Variants in PLXNA4 observed in about 807,000 individuals in gnomAD.
The protein encoded by PLXNA4 is plexin-A4.
In PLXNA4, 44 loss-of-function variants were observed where a neutral mutation model predicts 191.8. The ratio of observed to expected loss-of-function variants is 0.23; its 90% CI spans 0.18 to 0.29. PLXNA4 has a LOEUF of 0.29. Ranked by LOEUF, PLXNA4 falls within the 10% of genes least tolerant of loss-of-function variation. The pLI is 1.00. For missense variants in PLXNA4, 1,800 were observed against 2,488.8 expected, an observed-to-expected ratio of 0.72 and a Z score of 5.89; for synonymous variants, 1,082 against 1,009.5, an observed-to-expected ratio of 1.07 and a Z score of -1.36.
chr7:132,132,929 G>T, intron 31 of PLXNA4, 120 bp downstream of exon 31: 1 of 1,423,232 alleles, frequency 7.0e-7, no homozygotes, highest in Non-Finnish European at 9.3e-7. Flanking sequence ...CCTCAGTGGT[G>T]GTTCCCCCAG....
chr7:132,140,901 C>A, intron 29 of PLXNA4, 90 bp from the exon 30 acceptor site: 1 of 1,544,558 alleles, frequency 6.5e-7, no homozygotes, highest in Non-Finnish European at 8.7e-7. Flanking sequence ...AGGAGAGAAG[C>A]CTGGGGAACT....
At chr7:132,520,006 T>G (rs935071769) in intron 1 of PLXNA4, among the ~76,000 whole-genome samples, 1 of 152,090 alleles carries the variant, frequency 6.6e-6, no homozygotes, top group East Asian at 1.9e-4. Flanking sequence ...ATCATTGAGG[T>G]TGGGAAGTTT....
At chr7:132,224,501 C>G (rs937017821) in intron 8 of PLXNA4, among the ~76,000 whole-genome samples, 1 of 152,200 alleles carries the variant, frequency 6.6e-6, no homozygotes, top group Non-Finnish European at 1.5e-5. Flanking sequence ...TGTAGGCCAT[C>G]AACTCCTGGA....
intron 2 of PLXNA4, among the ~76,000 whole-genome samples, chr7:132,605,664 G>A (rs573972485): frequency 4.1e-4 from 55 of 134,122 alleles, no homozygotes; most frequent in African/African-American, 1.6e-3. Context: ...ACAAAAAAAT[G>A]TTAAGTCCTC....
At chr7:132,444,214 A>G (rs1235243010) in intron 3 of PLXNA4, among the ~76,000 whole-genome samples, 1 of 152,242 alleles carries the variant, frequency 6.6e-6, no homozygotes, top group Non-Finnish European at 1.5e-5. Context: ...CATCATTTTA[A>G]TGATGCCCTT....
intron 2 of PLXNA4, among the ~76,000 whole-genome samples, chr7:132,594,919 ATAGATAGATAG>A (rs1802670074): frequency 2.8e-5 from 1 of 36,354 alleles, no homozygotes. Flanking sequence ...AGGTAGATAG[ATAGATAGATAG>A]ATAGATAGAT....
intron 3 of PLXNA4, among the ~76,000 whole-genome samples, chr7:132,399,651 T>C (rs1052448573): frequency 2.2e-4 from 34 of 152,210 alleles, no homozygotes; most frequent in African/African-American, 8.2e-4. Context: ...GTCACACATC[T>C]GTGCTTTGGA....
At chr7:132,579,732 G>T (rs570278830), upstream of PLXNA4, among the ~76,000 whole-genome samples, 25 of 152,070 alleles carry the variant, frequency 1.6e-4, no homozygotes, top group Non-Finnish European at 1.3e-4. Flanking sequence ...GAGCTCTCCC[G>T]TTGTTAATGG....
At chr7:132,169,459 G>T (rs1301912455) in intron 21 of PLXNA4, among the ~76,000 whole-genome samples, 3 of 152,194 alleles carry the variant, frequency 2.0e-5, no homozygotes, top group Non-Finnish European at 4.4e-5. Context: ...AGCAACAAGA[G>T]AACAGGTGGA....
intron 3 of PLXNA4, among the ~76,000 whole-genome samples, chr7:132,315,397 A>T (rs1402071613): frequency 6.6e-6 from 1 of 152,236 alleles, no homozygotes; most frequent in African/African-American, 2.4e-5. Flanking sequence ...TGACTTTCTA[A>T]ATTTAATTCA....
chr7:132,557,947 G>T (rs543225094), intron 1 of PLXNA4, among the ~76,000 whole-genome samples: 3 of 152,166 alleles, frequency 2.0e-5, no homozygotes, highest in Admixed American at 6.5e-5. Flanking sequence ...GAGAGAGAGA[G>T]AGACAATCAA....
chr7:132,470,404 G>C (rs904700948), intron 3 of PLXNA4, among the ~76,000 whole-genome samples: 10 of 152,174 alleles, frequency 6.6e-5, no homozygotes, highest in Admixed American at 1.3e-4. Context: ...CCTCTCAGTA[G>C]ACCTATCTGG....
intron 30 of PLXNA4, among the ~76,000 whole-genome samples, chr7:132,135,974 G>A (rs757715008): frequency 2.0e-5 from 3 of 152,154 alleles, no homozygotes; most frequent in Non-Finnish European, 4.4e-5. Context: ...AATGGCCACC[G>A]ACAGCCCAGT....
chr7:132,566,881 C>T (rs981117597), intron 1 of PLXNA4, among the ~76,000 whole-genome samples: 2 of 152,170 alleles, frequency 1.3e-5, no homozygotes, highest in African/African-American at 4.8e-5. Flanking sequence ...GCAGGCGGTG[C>T]CTCTGAAAGT....
intron 4 of PLXNA4, among the ~76,000 whole-genome samples, chr7:132,247,558 G>C (rs965163155): frequency 6.6e-6 from 1 of 152,212 alleles, no homozygotes; most frequent in Non-Finnish European, 1.5e-5. Flanking sequence ...GTTGAGAAAA[G>C]TAAGTCCTTT....
intron 27 of PLXNA4, among the ~76,000 whole-genome samples, chr7:132,147,445 C>T (rs1017242981): frequency 1.3e-5 from 2 of 152,166 alleles, no homozygotes; most frequent in African/African-American, 4.8e-5. Context: ...GCTTCTACCC[C>T]ACCTCCAGCA....
At chr7:132,148,804 A>T (rs910097495) in intron 25 of PLXNA4, among the ~76,000 whole-genome samples, 158 bp from the exon 26 acceptor site, 38 of 152,190 alleles carry the variant, frequency 2.5e-4, no homozygotes, top group African/African-American at 8.7e-4. Flanking sequence ...AAAGCTCTCA[A>T]CGCAGAGAGG....
chr7:132,247,023 A>G (rs1251769618), intron 4 of PLXNA4, among the ~76,000 whole-genome samples: 1 of 152,100 alleles, frequency 6.6e-6, no homozygotes, highest in Non-Finnish European at 1.5e-5. Context: ...GGGGTCCTCC[A>G]TGGCAGCTGG....
chr7:132,389,381 TA>T (rs1332843650), intron 3 of PLXNA4, among the ~76,000 whole-genome samples: 1 of 152,256 alleles, frequency 6.6e-6, no homozygotes, highest in Non-Finnish European at 1.5e-5. Flanking sequence ...GGTTTTCTTC[TA>T]GGGTTTTCAT....
Sources: gnomAD v4.1 joint callset for allele counts (sites outside exome capture counted in the v4.1 genomes callset) on GRCh38, gnomAD v4.1.1 for gene constraint, MANE v1.5 for transcripts, NCBI Gene and HGNC (gene_info 2026-07-23, HGNC 2026-07-21) for gene names.